CADM2: variants seen among roughly 807,000 people sequenced by gnomAD.
CADM2 encodes the protein cell adhesion molecule 2, also known as immunoglobulin superfamily member 4D.
In CADM2, 12 loss-of-function variants were observed where a neutral mutation model predicts 49.8. The ratio of observed to expected loss-of-function variants is 0.24; its 90% CI spans 0.15 to 0.39. The LOEUF (loss-of-function observed/expected upper bound fraction) is 0.39, where lower values mean the gene tolerates loss of function less well. Among genes scored for constraint, CADM2 ranks in the 10% least tolerant of loss-of-function variants. CADM2 has a pLI of 1.00. For missense variants in CADM2, 378 were observed against 492.3 expected (o/e 0.77, Z 2.20); for synonymous variants, 214 against 175.4 (o/e 1.22, Z -1.74).
chr3:85,591,658 G>A (rs2063111920), intron 1 of CADM2, among the ~76,000 whole-genome samples: 1 of 151,936 alleles, frequency 6.6e-6, no homozygotes, highest in Admixed American at 6.6e-5. Context: ...AGCAGGGAAG[G>A]CAGTGGCAAG....
intron 8 of CADM2, among the ~76,000 whole-genome samples, chr3:85,968,743 T>C (rs1159875904): frequency 6.6e-6 from 1 of 151,696 alleles, no homozygotes; most frequent in Non-Finnish European, 1.5e-5. Flanking sequence ...TGTACAGAGC[T>C]CTTCTACCCA....
At chr3:85,268,626 A>T (rs537728181) in intron 1 of CADM2, among the ~76,000 whole-genome samples, 1 of 151,400 alleles carries the variant, frequency 6.6e-6, no homozygotes, top group East Asian at 1.9e-4. Context: ...TAATGCAAAC[A>T]TACATATATA....
At chr3:85,131,262 A>G (rs533505614) in intron 1 of CADM2, among the ~76,000 whole-genome samples, 2 of 152,356 alleles carry the variant, frequency 1.3e-5, no homozygotes, top group Admixed American at 1.3e-4. Flanking sequence ...AGTACAAAAT[A>G]CTTTTTATTC....
chr3:85,357,200 A>T (rs2031939899), intron 1 of CADM2, among the ~76,000 whole-genome samples: 1 of 152,138 alleles, frequency 6.6e-6, no homozygotes, highest in Non-Finnish European at 1.5e-5. Context: ...TGGCTTGTCA[A>T]CACTCCATCG....
At chr3:85,564,939 A>T (rs868438910) in intron 1 of CADM2, among the ~76,000 whole-genome samples, 12 of 152,264 alleles carry the variant, frequency 7.9e-5, no homozygotes, top group Middle Eastern at 6.8e-3. Flanking sequence ...TCAGCATTTT[A>T]TAAAGACACA....
At chr3:86,001,075 A>G (rs987592615) in intron 8 of CADM2, among the ~76,000 whole-genome samples, 1 of 152,148 alleles carries the variant, frequency 6.6e-6, no homozygotes, top group Admixed American at 6.5e-5. Flanking sequence ...ATTAGCATGC[A>G]AAATTCACAG....
At chr3:86,011,357 C>G (rs2106913131) in intron 8 of CADM2, among the ~76,000 whole-genome samples, 1 of 152,152 alleles carries the variant, frequency 6.6e-6, no homozygotes, top group South Asian at 2.1e-4. Context: ...TATAACTAAC[C>G]ATTTTAATCA....
intron 1 of CADM2, among the ~76,000 whole-genome samples, chr3:85,584,908 ATCT>A (rs1267810379): frequency 1.3e-5 from 2 of 152,066 alleles, no homozygotes; most frequent in Non-Finnish European, 2.9e-5. Context: ...GTTAAATTTA[ATCT>A]TCATCAGAGA....
chr3:85,535,063 C>T (rs6767245), intron 1 of CADM2, among the ~76,000 whole-genome samples: 12,415 of 135,540 alleles, frequency 0.092, 979 homozygotes, highest in African/African-American at 0.19. Flanking sequence ...AAATGCAGTT[C>T]ACGATGTTAC....
At chr3:85,925,462 A>C (rs1181231222) in intron 6 of CADM2, among the ~76,000 whole-genome samples, 1 of 152,216 alleles carries the variant, frequency 6.6e-6, no homozygotes, top group Non-Finnish European at 1.5e-5. Flanking sequence ...GTTAAATGGA[A>C]AGTGAGAATT....
intron 1 of CADM2, among the ~76,000 whole-genome samples, chr3:85,664,854 C>G (rs772519458): frequency 6.6e-6 from 1 of 151,944 alleles, no homozygotes; most frequent in South Asian, 2.1e-4. Flanking sequence ...CCCCTGCCCC[C>G]CTTATGATAT....
At chr3:85,123,020 T>C (rs2107595231) in intron 1 of CADM2, among the ~76,000 whole-genome samples, 1 of 152,286 alleles carries the variant, frequency 6.6e-6, no homozygotes, top group African/African-American at 2.4e-5. Context: ...TTTACCTACC[T>C]AATGAGGGAG....
At chr3:85,356,179 G>A (rs1367791732) in intron 1 of CADM2, among the ~76,000 whole-genome samples, 1 of 152,076 alleles carries the variant, frequency 6.6e-6, no homozygotes, top group Non-Finnish European at 1.5e-5. Flanking sequence ...AACAAATGAT[G>A]TAGGAGACTG....
intron 8 of CADM2, among the ~76,000 whole-genome samples, chr3:86,001,261 A>T (rs192885961): frequency 2.0e-5 from 3 of 152,196 alleles, no homozygotes; most frequent in Admixed American, 2.0e-4. Flanking sequence ...TCCAAGTGAA[A>T]ATTTAATATT....
At chr3:85,025,257 G>C (rs2034676501) in intron 1 of CADM2, among the ~76,000 whole-genome samples, 1 of 152,086 alleles carries the variant, frequency 6.6e-6, no homozygotes, top group African/African-American at 2.4e-5. Flanking sequence ...TGTAATCTAA[G>C]TGCTTACTGT....
At chr3:85,835,734 A>C (rs1559691408) in intron 3 of CADM2, among the ~76,000 whole-genome samples, 1 of 144,256 alleles carries the variant, frequency 6.9e-6, no homozygotes, top group Non-Finnish European at 1.5e-5. Flanking sequence ...ATATATATAT[A>C]TCTTGCTATA....
intron 1 of CADM2, among the ~76,000 whole-genome samples, chr3:85,158,420 A>G (rs1396834186): frequency 6.6e-6 from 1 of 152,234 alleles, no homozygotes. Context: ...TATTCACAAT[A>G]GCAAAGACTT....
chr3:85,478,933 T>A (rs912588558), intron 1 of CADM2, among the ~76,000 whole-genome samples: 3 of 151,806 alleles, frequency 2.0e-5, no homozygotes, highest in African/African-American at 7.3e-5. Flanking sequence ...TGAAGTTTTG[T>A]TTTTATTTTA....
chr3:85,359,666 A>ATTTT (rs869151718), intron 1 of CADM2, among the ~76,000 whole-genome samples: 307 of 26,488 alleles, frequency 0.012, 38 homozygotes, highest in African/African-American at 0.025. Flanking sequence ...ATATATATAT[A>ATTTT]TTTTTTTTTT....
Sources: gnomAD v4.1 joint callset for allele counts (sites outside exome capture counted in the v4.1 genomes callset) on GRCh38, gnomAD v4.1.1 for gene constraint, MANE v1.5 for transcripts, NCBI Gene and HGNC (gene_info 2026-07-23, HGNC 2026-07-21) for gene names.